The following CD109 variants were observed in gnomAD, a reference collection of about 807,000 sequenced individuals.
CD109 encodes CD109 molecule.
Under a neutral mutation model 165.8 loss-of-function variants are expected in CD109, and 149 were observed. The ratio of observed to expected loss-of-function variants is 0.90; its 90% CI spans 0.79 to 1.03. CD109 has a LOEUF of 1.03. Ranked by LOEUF, CD109 falls within the 50% of genes least tolerant of loss-of-function variation. The pLI is 0.00. For missense variants in CD109, 1,712 were observed against 1,677.8 expected (o/e 1.02, Z -0.36); for synonymous variants, 585 against 592.1 (o/e 0.99, Z 0.18).
intron 23 of CD109, among the ~76,000 whole-genome samples, chr6:73,802,657 G>C (rs1257881130): frequency 2.7e-5 from 4 of 149,134 alleles, no homozygotes; most frequent in Admixed American, 2.7e-4. Context: ...CTATGCCATA[G>C]TGATCTTTTA....
chr6:73,760,772 G>T (rs986041235), intron 7 of CD109, among the ~76,000 whole-genome samples: 61 of 152,120 alleles, frequency 4.0e-4, no homozygotes, highest in African/African-American at 1.4e-3. Context: ...TTGAACCTGG[G>T]AGGCAGAGGT....
At chr6:73,762,354 C>A (rs1463813249) in intron 7 of CD109, 30 bp from the exon 8 acceptor site, 3 of 1,306,908 alleles carry the variant, frequency 2.3e-6, no homozygotes, top group Non-Finnish European at 3.3e-6. Flanking sequence ...CAAGTTGATA[C>A]ATAAAAAGAC....
intron 4 of CD109, among the ~76,000 whole-genome samples, chr6:73,731,216 T>C (rs961971416): frequency 1.3e-5 from 2 of 152,164 alleles, no homozygotes; most frequent in African/African-American, 4.8e-5. Context: ...CTGCCTAAAT[T>C]TGAATTTTTA....
At chr6:73,760,946 T>G (rs1773597063) in intron 7 of CD109, among the ~76,000 whole-genome samples, 1 of 149,220 alleles carries the variant, frequency 6.7e-6, no homozygotes. Context: ...ACCCCTGAGG[T>G]GGAGGTTGCA....
At chr6:73,791,172 TATATACACAC>T (rs1562070997) in intron 22 of CD109, among the ~76,000 whole-genome samples, 33 of 32,484 alleles carry the variant, frequency 1.0e-3, no homozygotes, top group African/African-American at 3.9e-3. Flanking sequence ...TATATATATA[TATATACACAC>T]ACACACATAC....
chr6:73,753,946 T>C (rs1441184320), intron 5 of CD109, among the ~76,000 whole-genome samples: 1 of 152,226 alleles, frequency 6.6e-6, no homozygotes, highest in Non-Finnish European at 1.5e-5. Context: ...AGGCATGCTT[T>C]ACTAGGTTCT....
intron 2 of CD109, among the ~76,000 whole-genome samples, chr6:73,702,383 G>A (rs544456465): frequency 2.0e-5 from 3 of 152,218 alleles, no homozygotes; most frequent in East Asian, 1.9e-4. Flanking sequence ...TTCATGCCTC[G>A]TAGATAAAAA....
intron 22 of CD109, among the ~76,000 whole-genome samples, chr6:73,792,304 G>A (rs1327565895): frequency 6.6e-6 from 1 of 151,874 alleles, no homozygotes; most frequent in East Asian, 1.9e-4. Context: ...TATGAGTGAT[G>A]GTGTCTTACT....
At chr6:73,704,687 T>G (rs984211670) in intron 2 of CD109, among the ~76,000 whole-genome samples, 1 of 152,210 alleles carries the variant, frequency 6.6e-6, no homozygotes, top group Non-Finnish European at 1.5e-5. Context: ...TGAAACTAGT[T>G]GTTTCCCCAC....
At chr6:73,819,115 G>C (rs1776032053) in intron 31 of CD109, among the ~76,000 whole-genome samples, 1 of 152,232 alleles carries the variant, frequency 6.6e-6, no homozygotes, top group Non-Finnish European at 1.5e-5. Flanking sequence ...GATTACAGGT[G>C]TGAGCCGCCA....
chr6:73,780,593 A>G (rs1774447269), intron 16 of CD109, 95 bp downstream of exon 16: 3 of 792,248 alleles, frequency 3.8e-6, no homozygotes, highest in Non-Finnish European at 6.4e-6. Context: ...TTAACCTTTT[A>G]TTAAATGTGT....
At chr6:73,704,045 T>C (rs912429090) in intron 2 of CD109, among the ~76,000 whole-genome samples, 3 of 151,614 alleles carry the variant, frequency 2.0e-5, no homozygotes, top group Non-Finnish European at 2.9e-5. Flanking sequence ...ATTAGCCAGG[T>C]GTGGTGGTGG....
intron 2 of CD109, among the ~76,000 whole-genome samples, chr6:73,714,076 T>C (rs1771634659): frequency 6.6e-6 from 1 of 152,178 alleles, no homozygotes; most frequent in Non-Finnish European, 1.5e-5. Flanking sequence ...AATAAGTAAC[T>C]CTCAATAATG....
At chr6:73,701,250 C>T (rs1771067277) in intron 2 of CD109, among the ~76,000 whole-genome samples, 2 of 152,098 alleles carry the variant, frequency 1.3e-5, no homozygotes, top group South Asian at 4.1e-4. Flanking sequence ...CTGTCACTGC[C>T]TCTACCACTA....
chr6:73,744,346 T>C (rs1292668943), intron 5 of CD109, among the ~76,000 whole-genome samples: 12 of 152,244 alleles, frequency 7.9e-5, no homozygotes, highest in Admixed American at 7.9e-4. Flanking sequence ...ATGATTGCTG[T>C]TATTATCCTT....
chr6:73,765,867 G>C (rs1331402181), intron 10 of CD109, 63 bp from the exon 11 acceptor site: 1 of 1,188,310 alleles, frequency 8.4e-7, no homozygotes, highest in Non-Finnish European at 1.2e-6. Flanking sequence ...ACTACAGACG[G>C]AAACTGTATT....
At position 73,771,564 on chromosome 6, in the gene CD109, G is replaced by A. The variant is rs770178434; in HGVS notation, c.1810G>A (p.Asp604Asn). The change falls in exon 15 of 33, where the codon GAT becomes AAT. Residue 604 changes from aspartate (D) to asparagine (N), a missense_variant. Coordinates refer to ENST00000287097, the MANE Select transcript of CD109 (RefSeq NM_133493.5). ...TGTGAATCTGATGAATGCCTCTAAT[G>A]ATATTACAATGGAAAATGTGAGTTT... is the stretch of plus-strand genomic sequence containing the variant. The part of the protein sequence containing the change: ...KSVNLMNASN[D>N]ITMENVVHEL... 1.9e-6 allele frequency: 3 copies of A among 1,581,214 alleles called. No individual in the cohort carries two copies. The Admixed American group carries it at 5.7e-5, about 30-fold the overall frequency.
In CD109 at chr6:73,727,334, G is replaced by T. The variant is rs565654227; in HGVS notation, c.277-3010G>T. Among the ~76,000 whole-genome samples the T allele has an allele frequency of 4.6e-5, 7 of 152,058 alleles. No homozygotes were observed. In the East Asian group the frequency reaches 1.4e-3, roughly 29 times the overall value. The stretch of plus-strand genomic sequence containing the variant: ...CCCCATGCTTCATACAGGCACCCAG[G>T]TCTAATGATTCACCAAGGCCCATAT... On this transcript the variant is annotated intron_variant, in intron 3 of 32. Coordinates refer to ENST00000287097, the MANE Select transcript of CD109 (RefSeq NM_133493.5).
chr6:73,692,557 T>C (rs980670883), upstream of CD109, among the ~76,000 whole-genome samples: 26 of 152,294 alleles, frequency 1.7e-4, no homozygotes, highest in South Asian at 5.4e-3. Context: ...AAATACACTT[T>C]ATTTTTTATA....
Sources: allele counts gnomAD v4.1 joint callset (sites outside exome capture counted in the v4.1 genomes callset), GRCh38; gene constraint gnomAD v4.1.1; transcripts MANE v1.5; gene names NCBI Gene and HGNC (gene_info 2026-07-23, HGNC 2026-07-21).